Variants in RNF207 observed in about 807,000 individuals in gnomAD.
RNF207 encodes OTTHUMG00000001089.
A neutral mutation model predicts 79.0 loss-of-function variants in RNF207; 72 were observed. The observed-to-expected ratio is 0.91, with a 90% CI of 0.75 to 1.11. The LOEUF (loss-of-function observed/expected upper bound fraction) is 1.11. RNF207 is among the 50% of genes least tolerant of loss of function. The probability of loss-of-function intolerance (pLI) is 0.00; values close to 1 mark genes in which losing one functional copy is unlikely to be tolerated. For synonymous variants in RNF207, 348 were observed against 366.2 expected, an observed-to-expected ratio of 0.95 and a Z score of 0.57; for missense variants, 936 against 855.8, an observed-to-expected ratio of 1.09 and a Z score of -1.17.
intron 16 of RNF207, among the ~76,000 whole-genome samples, chr1:6,214,634 T>TC (rs1274067601): frequency 7.5e-6 from 1 of 132,932 alleles, no homozygotes; most frequent in East Asian, 2.1e-4. Flanking sequence ...TTCTTTCTTT[T>TC]TTTTTTTTTT....
chr1:6,219,418 CGGTCCCCA>C lies in RNF207; in HGVS notation c.*14_*21del, dbSNP rs1668475106. Reference sequence around the variant, plus strand: ...GAACACCCGACTTAGCAAATGGGACCGGTCCCCAGGGTCAGGCTCTTAGAGCAGGCACA... The same window carrying C: ...GAACACCCGACTTAGCAAATGGGACCGGGTCAGGCTCTTAGAGCAGGCACA... On this transcript the variant is annotated 3_prime_UTR_variant, in exon 18 of 18. Coordinates refer to ENST00000377939, the MANE Select transcript of RNF207 (RefSeq NM_207396.3). The C allele has an allele frequency of 1.9e-6, 3 of 1,588,844 alleles. No homozygotes were observed. In the East Asian group the frequency reaches 6.7e-5, roughly 36 times the overall value.
Position 6,207,331 on chromosome 1 carries a change from G to C in RNF207, c.192-48G>C, listed in dbSNP as rs1176425109. On this transcript the variant is annotated intron_variant, in intron 2 of 17. Coordinates refer to ENST00000377939, the MANE Select transcript of RNF207 (RefSeq NM_207396.3). The surrounding 1 kb of genome is among the most constrained non-coding windows in gnomAD (Gnocchi z 4.5). ...GGAATGTGAGGGGTGGGGGTGGGGAGCCCTGGGGAAGGGGTATCAGAATCT... is the reference window on the plus strand; with the variant it reads ...GGAATGTGAGGGGTGGGGGTGGGGACCCCTGGGGAAGGGGTATCAGAATCT... 6.7e-7 allele frequency: 1 copy of C among 1,496,762 alleles called. No individual in the cohort carries two copies. The highest frequency in any genetic ancestry group is 1.4e-5 in the South Asian group (1 of 72,324). The allele number at this position is 1,496,762 out of a possible 1,614,324, so 92.7% of individuals were successfully genotyped here. A position where few individuals can be genotyped will look rare whatever the true frequency, so the allele number is the denominator to read the frequency against.
rs1185538841 is a variant in RNF207, at chr1:6,219,395, A to G, written c.1893A>G (p.Glu631=). 5.6e-6 allele frequency: 9 copies of G among 1,603,932 alleles called. No individual in the cohort carries two copies. Among genetic ancestry groups the G allele is most frequent in the South Asian group, 1.1e-5 (1 of 90,030 alleles). ...GGGGCGATGTCCCCACATGGAGGGA[A>G]CACCCGACTTAGCAAATGGGACCGG... ...KNGGDVPTWR[E]HPT Residue 631 remains glutamate (E), a synonymous_variant, in exon 18 of 18, where the codon GAA becomes GAG. Coordinates refer to ENST00000377939, the MANE Select transcript of RNF207 (RefSeq NM_207396.3).
At chr1:6,218,513 G>A (rs1461267504) in intron 17 of RNF207, 144 bp downstream of exon 17, 1 of 620,506 alleles carries the variant, frequency 1.6e-6, no homozygotes. Flanking sequence ...AGGGGTCAGA[G>A]AGGCTCTCAG....
Position 6,209,511 on chromosome 1 carries a change from C to G in RNF207, c.725C>G (p.Ala242Gly). The G allele has an allele frequency of 6.8e-7, 1 of 1,473,628 alleles. No individual in the cohort carries two copies. The highest frequency in any genetic ancestry group is 8.9e-7 in the Non-Finnish European group (1 of 1,121,576). The allele number at this position is 1,473,628 out of a possible 1,614,324, so 91.3% of individuals were successfully genotyped here. ...CACAGCGCCGCCGAGGAGGAGGACG[C>G]TATCCACGCCCTCTTCGGCAGCATG... ...VRHSAAEEED[A>G]IHALFGSMQD... The change falls in exon 7 of 18, where the codon GCT (alanine) becomes GGT (glycine). Residue 242 changes from alanine to glycine, a missense_variant. Transcript: ENST00000377939.
chr1:6,209,708 T>G (rs59560709), intron 7 of RNF207, among the ~76,000 whole-genome samples, 169 bp downstream of exon 7: 14,335 of 151,994 alleles, frequency 0.094, 1,316 homozygotes, highest in African/African-American at 0.23. Flanking sequence ...TGCCGCAGGC[T>G]GGTGGTGGGG....
In RNF207 at chr1:6,211,810, G is replaced by C; in HGVS notation, c.1110-57G>C. 1 of 1,334,076 alleles carries C rather than the reference G, an allele frequency of 7.5e-7. No individual in the cohort carries two copies. The highest frequency in any genetic ancestry group is 1.0e-6 in the Non-Finnish European group (1 of 962,542). 82.6% of individuals were successfully genotyped at this position (1,334,076 alleles called of 1,614,324 possible). On this transcript the variant is annotated intron_variant, in intron 12 of 17. Transcript: ENST00000377939. This position sits in a 1 kb window ranked among gnomAD's most constrained non-coding sequence, Gnocchi z 4.2. ...GCAGTCCAGGGGGCTGCCCTGGGAG[G>C]CTGGGGGAGGGGCAGACTTCCCCAC...
chr1:6,207,551 C>G lies in RNF207; in HGVS notation c.324+40C>G. On this transcript the variant is annotated intron_variant, in intron 3 of 17. Coordinates refer to ENST00000377939, the MANE Select transcript of RNF207 (RefSeq NM_207396.3). The surrounding 1 kb of genome is among the most constrained non-coding windows in gnomAD (Gnocchi z 4.5). ...GCGGGTGGGTGAGGAGCAGAGGGTA[C>G]CCGGTTGCACAGTCCCCAATGCTTG... 6.4e-7 allele frequency: 1 copy of G among 1,566,164 alleles called. No homozygotes were observed. The highest frequency in any genetic ancestry group is 8.6e-7 in the Non-Finnish European group (1 of 1,158,636).
chr1:6,213,144 T>C lies in RNF207; in HGVS notation c.1613T>C (p.Val538Ala). Reference sequence around the variant, plus strand: ...ATCACCAAGCAGATCACGCCCTACGTCCGCTCCATTGCCAAGGTGAAGGAG... The same window carrying C: ...ATCACCAAGCAGATCACGCCCTACGCCCGCTCCATTGCCAAGGTGAAGGAG... Reference protein sequence around the residue: ...TTITKQITPYVRSIAKVKERL... With the variant: ...TTITKQITPYARSIAKVKERL... The change falls in exon 16 of 18, where the codon GTC becomes GCC. Residue 538 changes from valine (V) to alanine (A), a missense_variant. Transcript: ENST00000377939. 7 of 1,613,130 alleles carry C rather than the reference T, an allele frequency of 4.3e-6. No homozygotes were observed. Among genetic ancestry groups the C allele is most frequent in the Non-Finnish European group, 5.9e-6 (7 of 1,179,664 alleles).
rs1213782660 is a variant in RNF207, at chr1:6,210,875, G to C, written c.948G>C (p.Leu316=). Residue 316 remains leucine (L), a synonymous_variant, in exon 11 of 18, where the codon CTG becomes CTC. Transcript: ENST00000377939. ...GGCCCTCCTCACTGCCACAGGAGCTGATGGAGAGGCTGCAGGGCATCGTCA... is the reference window on the plus strand; with the variant it reads ...GGCCCTCCTCACTGCCACAGGAGCTCATGGAGAGGCTGCAGGGCATCGTCA... ...KAEFLDLGYE[L]MERLQGIVTR... is the part of the protein sequence containing the mutation. 2 of 1,600,356 alleles carry C rather than the reference G, an allele frequency of 1.2e-6. No homozygotes were observed. Among genetic ancestry groups the C allele is most frequent in the Non-Finnish European group, 1.7e-6 (2 of 1,174,606 alleles).
chr1:6,216,531 C>T lies in RNF207; in HGVS notation c.1653-1758C>T, dbSNP rs374566065. On this transcript the variant is annotated intron_variant, in intron 16 of 17. Transcript: ENST00000377939. ...GTCCAGGCCTCCTCCCTTGGCCTCT[C>T]AGCAGCACTCGTGAGCATCGCCATA... Among the ~76,000 whole-genome samples, 220 of 152,024 alleles carry T rather than the reference C, an allele frequency of 1.4e-3. 3 individuals are homozygous for T. The highest frequency in any genetic ancestry group is 5.2e-3 in the African/African-American group (214 of 41,422).
In RNF207 at chr1:6,208,871, C is replaced by A; in HGVS notation, c.325-10C>A. On this transcript the variant is annotated splice_polypyrimidine_tract_variant and intron_variant, in intron 3 of 17. Coordinates refer to ENST00000377939, the MANE Select transcript of RNF207 (RefSeq NM_207396.3). ...GCTCTGGCGCTCCTGAGCCCGCGCT[C>A]GGCCCGCAGGACGTGGAGACCACGT... is the stretch of plus-strand genomic sequence containing the variant. 1 of 1,523,398 alleles carries A rather than the reference C, an allele frequency of 6.6e-7. No individual in the cohort carries two copies. The highest frequency in any genetic ancestry group is 1.2e-5 in the South Asian group (1 of 83,348). 94.4% of individuals were successfully genotyped at this position (1,523,398 alleles called of 1,614,324 possible).
chr1:6,214,198 T>G (rs560443356), intron 16 of RNF207, among the ~76,000 whole-genome samples: 2 of 152,302 alleles, frequency 1.3e-5, no homozygotes, highest in East Asian at 3.9e-4. Context: ...CTTCCATGGT[T>G]GTTGTTCATG....
intron 10 of RNF207, 179 bp from the exon 11 acceptor site, chr1:6,210,691 C>T (rs1296993967): frequency 4.4e-6 from 3 of 675,948 alleles, no homozygotes; most frequent in Non-Finnish European, 5.2e-6. Flanking sequence ...GCCGCCCCCT[C>T]TCCTGTGGAT....
chr1:6,209,682 A>T (rs1348426086), intron 7 of RNF207, 143 bp downstream of exon 7: 12 of 1,106,016 alleles, frequency 1.1e-5, no homozygotes, highest in Non-Finnish European at 1.2e-5. Flanking sequence ...GAGAGCTGGG[A>T]GGGGAAACCA....
chr1:6,219,495 TTTA>T lies in RNF207; in HGVS notation c.*91_*93del. 1.0e-6 allele frequency: 1 copy of T among 984,516 alleles called. No homozygotes were observed. Among genetic ancestry groups the T allele is most frequent in the Non-Finnish European group, 1.4e-6 (1 of 691,872 alleles). The allele number at this position is 984,516 out of a possible 1,614,324, so 61.0% of individuals were successfully genotyped here. A position where few individuals can be genotyped will look rare whatever the true frequency, so the allele number is the denominator to read the frequency against. ...GAAGGTTGTTCCCATGATGGTTTTT[TTTA>T]TTTTTTATTTTTGAGATGGAGTTTC... On this transcript the variant is annotated 3_prime_UTR_variant, in exon 18 of 18. Coordinates refer to ENST00000377939, the MANE Select transcript of RNF207 (RefSeq NM_207396.3).
At position 6,209,123 on chromosome 1, in the gene RNF207, G is replaced by A; in HGVS notation, c.478G>A (p.Ala160Thr). ...GCCCGCCGCCCCCGCAGCGCTGCAC[G>A]CAGAGCCCTACCTCTTGTTCTCCAC... The part of the protein sequence containing the change: ...RDVPQKCTLH[A>T]EPYLLFSTDK... Residue 160 changes from alanine to threonine, a missense_variant, in exon 5 of 18, where the codon GCA (alanine) becomes ACA (threonine). Ala to Thr is a moderately conservative substitution (Grantham distance 58, BLOSUM62 0). Coordinates refer to ENST00000377939, the MANE Select transcript of RNF207 (RefSeq NM_207396.3). 6.4e-7 allele frequency: 1 copy of A among 1,554,228 alleles called. No homozygotes were observed. Among genetic ancestry groups the A allele is most frequent in the Non-Finnish European group, 8.7e-7 (1 of 1,148,754 alleles).
chr1:6,210,560 T>A (rs1668121074), intron 10 of RNF207, 122 bp downstream of exon 10: 1 of 734,768 alleles, frequency 1.4e-6, no homozygotes, highest in Admixed American at 2.5e-5. Flanking sequence ...ATCTCGGGGC[T>A]GACCCCCTCC....
At chr1:6,212,811 C>A (rs994972309) in intron 15 of RNF207, 78 bp downstream of exon 15, 3 of 1,217,368 alleles carry the variant, frequency 2.5e-6, no homozygotes, top group Middle Eastern at 2.1e-4. Context: ...AAGTCAGAGT[C>A]GGCCACTAAC....
Sources: gnomAD v4.1 joint callset for allele counts (sites outside exome capture counted in the v4.1 genomes callset) on GRCh38, gnomAD v4.1.1 for gene constraint, Gnocchi (gnomAD v3.1) non-coding constraint, MANE v1.5 for transcripts, NCBI Gene and HGNC (gene_info 2026-07-23, HGNC 2026-07-21) for gene names.